Variants in SMYD3 observed in about 807,000 individuals in gnomAD.
SMYD3 encodes SET and MYND domain containing 3.
Under a neutral mutation model 57.7 loss-of-function variants are expected in SMYD3, and 36 were observed. That is an observed-to-expected ratio of 0.62 (90% CI 0.48 to 0.82). The LOEUF is 0.82. SMYD3 is among the 40% of genes least tolerant of loss of function. The pLI, the probability that SMYD3 is intolerant of heterozygous loss-of-function variation, is 0.00. For missense variants in SMYD3, 515 were observed against 538.8 expected (o/e 0.96, Z 0.44); for synonymous variants, 211 against 195.0 (o/e 1.08, Z -0.68).
intron 5 of SMYD3, chr1:246,326,446 A>G (rs2065351148): frequency 2.6e-5 from 17 of 660,738 alleles, no homozygotes; most frequent in Non-Finnish European, 1.6e-5. Flanking sequence ...CCCTAGGCCA[A>G]GATAAACCCT....
intron 2 of SMYD3, among the ~76,000 whole-genome samples, chr1:246,354,740 C>G (rs2065884754): frequency 6.6e-6 from 1 of 151,516 alleles, no homozygotes; most frequent in African/African-American, 2.4e-5. Flanking sequence ...ACAGTGATTG[C>G]CTGTGGAAAT....
chr1:246,287,467 C>A (rs556375723), intron 5 of SMYD3, among the ~76,000 whole-genome samples: 1 of 152,158 alleles, frequency 6.6e-6, no homozygotes, highest in Non-Finnish European at 1.5e-5. Flanking sequence ...GAAGAACTTA[C>A]CGCTATGTCC....
At chr1:246,172,938 C>T (rs2062367665) in intron 5 of SMYD3, among the ~76,000 whole-genome samples, 1 of 151,162 alleles carries the variant, frequency 6.6e-6, no homozygotes, top group South Asian at 2.1e-4. Context: ...TTATGCTACA[C>T]AGGCCTAGAA....
At chr1:246,197,606 T>TACCA (rs61227468) in intron 5 of SMYD3, among the ~76,000 whole-genome samples, 63,036 of 151,596 alleles carry the variant, frequency 0.42, 14,644 homozygotes, top group East Asian at 0.79. Context: ...TGAAAAACTG[T>TACCA]ACCAAGAGAA....
At chr1:246,027,856 G>A (rs761181886) in intron 5 of SMYD3, among the ~76,000 whole-genome samples, 5 of 152,280 alleles carry the variant, frequency 3.3e-5, no homozygotes, top group Middle Eastern at 3.4e-3. Context: ...TCTTCTGATG[G>A]ATCTGGGGAC....
intron 5 of SMYD3, among the ~76,000 whole-genome samples, chr1:246,319,482 C>A (rs550613340): frequency 6.6e-6 from 1 of 152,322 alleles, no homozygotes; most frequent in African/African-American, 2.4e-5. Flanking sequence ...TCAAAGTTAT[C>A]ATACTGCCAT....
intron 5 of SMYD3, among the ~76,000 whole-genome samples, chr1:246,252,231 C>G (rs1770026): frequency 1.8e-5 from 1 of 56,988 alleles, no homozygotes; most frequent in Non-Finnish European, 3.9e-5. Flanking sequence ...GCGGACACTG[C>G]GCCCGGCTTT....
At chr1:246,248,946 G>A (rs1198027818) in intron 5 of SMYD3, among the ~76,000 whole-genome samples, 4 of 150,460 alleles carry the variant, frequency 2.7e-5, no homozygotes, top group African/African-American at 4.9e-5. Flanking sequence ...ATGAGCCACC[G>A]TGCCCAGCCG....
intron 1 of SMYD3, among the ~76,000 whole-genome samples, chr1:246,385,887 AGT>A (rs1296168487): frequency 6.6e-6 from 1 of 151,882 alleles, no homozygotes; most frequent in Non-Finnish European, 1.5e-5. Context: ...GTAGGAAGGC[AGT>A]AGAACACATA....
intron 5 of SMYD3, among the ~76,000 whole-genome samples, chr1:246,009,805 C>CTT (rs74163100): frequency 0.011 from 832 of 75,510 alleles, 18 homozygotes; most frequent in African/African-American, 0.019. Context: ...CATGTAAGAT[C>CTT]TTTTTTTTTT....
At chr1:245,827,479 C>G (rs1458820633) in intron 10 of SMYD3, among the ~76,000 whole-genome samples, 1 of 152,212 alleles carries the variant, frequency 6.6e-6, no homozygotes, top group Non-Finnish European at 1.5e-5. Context: ...ATCCACATCC[C>G]ATGGTTTCCT....
intron 5 of SMYD3, among the ~76,000 whole-genome samples, chr1:245,959,783 CTTTTT>C (rs2057952649): frequency 6.6e-6 from 1 of 152,036 alleles, no homozygotes; most frequent in African/African-American, 2.4e-5. Flanking sequence ...CATCACTTTT[CTTTTT>C]TCATTTTTGA....
At chr1:246,250,924 T>C (rs10924624) in intron 5 of SMYD3, among the ~76,000 whole-genome samples, 31,560 of 152,126 alleles carry the variant, frequency 0.21, 3,989 homozygotes, top group East Asian at 0.58. Context: ...CTCAATCCTA[T>C]GCATAAGTTT....
rs941332593 is a variant in SMYD3, at chr1:246,035,759, G to C, written c.532-105822C>G. On this transcript the variant is annotated intron_variant, in intron 5 of 11. Transcript: ENST00000490107. ...TCCATATTCAACTCTTTCCACTTCAGGCAAATCTTGCCCAGAAAAAAAATA... is the reference window on the plus strand; with the variant it reads ...TCCATATTCAACTCTTTCCACTTCACGCAAATCTTGCCCAGAAAAAAAATA... Among the ~76,000 whole-genome samples, 27 of 152,112 alleles carry C rather than the reference G, an allele frequency of 1.8e-4. 1 individual carries two copies. Among genetic ancestry groups the C allele is most frequent in the African/African-American group, 6.5e-4 (27 of 41,468 alleles).
intron 5 of SMYD3, among the ~76,000 whole-genome samples, chr1:246,208,201 G>A (rs904066993): frequency 6.6e-6 from 1 of 152,090 alleles, no homozygotes; most frequent in Admixed American, 6.5e-5. Context: ...CTGCAACAGA[G>A]GTCCTGCAAG....
chr1:245,820,670 T>C (rs2049110579), intron 10 of SMYD3, among the ~76,000 whole-genome samples: 1 of 152,176 alleles, frequency 6.6e-6, no homozygotes, highest in Admixed American at 6.5e-5. Context: ...CAAAATCTCC[T>C]TAAGCTGATA....
intron 5 of SMYD3, among the ~76,000 whole-genome samples, chr1:246,207,754 T>C (rs2063023531): frequency 1.3e-5 from 2 of 152,168 alleles, no homozygotes; most frequent in Admixed American, 6.5e-5. Flanking sequence ...ATAAATCACA[T>C]GTGCCTGGTA....
intron 1 of SMYD3, among the ~76,000 whole-genome samples, chr1:246,378,698 T>A (rs1299381430): frequency 1.6e-5 from 1 of 63,448 alleles, no homozygotes; most frequent in Non-Finnish European, 3.3e-5. Flanking sequence ...CTTAATAAAC[T>A]CCCCTTTATA....
At chr1:246,395,562 C>CACT (rs2066645363) in intron 1 of SMYD3, among the ~76,000 whole-genome samples, 1 of 150,932 alleles carries the variant, frequency 6.6e-6, no homozygotes, top group Non-Finnish European at 1.5e-5. Context: ...GGACAATGTG[C>CACT]ACTACTACTG....
Sources: gnomAD v4.1 joint callset for allele counts (sites outside exome capture counted in the v4.1 genomes callset) on GRCh38, gnomAD v4.1.1 for gene constraint, MANE v1.5 for transcripts, NCBI Gene and HGNC (gene_info 2026-07-23, HGNC 2026-07-21) for gene names.